ATP11A: variants seen among roughly 807,000 people sequenced by gnomAD.
The protein encoded by ATP11A is phospholipid-transporting ATPase IH.
In ATP11A, 81 loss-of-function variants were observed where a neutral mutation model predicts 154.4. The ratio of observed to expected loss-of-function variants is 0.52; its 90% CI spans 0.44 to 0.63. The LOEUF (loss-of-function observed/expected upper bound fraction) is 0.63. Ranked by LOEUF, ATP11A falls within the 30% of genes least tolerant of loss-of-function variation. The probability of loss-of-function intolerance (pLI) is 0.00; values close to 1 mark genes in which losing one functional copy is unlikely to be tolerated. For synonymous variants in ATP11A, 623 were observed against 585.9 expected (o/e 1.06, Z -0.91); for missense variants, 1,316 against 1,474.3 (o/e 0.89, Z 1.76).
At chr13:112,752,219 A>C (rs2139817283) in intron 1 of ATP11A, among the ~76,000 whole-genome samples, 1 of 152,322 alleles carries the variant, frequency 6.6e-6, no homozygotes, top group Non-Finnish European at 1.5e-5. Context: ...GAGAAGTCAC[A>C]ACAGTGACGG....
chr13:112,749,079 A>G (rs2076627455), intron 1 of ATP11A, among the ~76,000 whole-genome samples: 1 of 152,198 alleles, frequency 6.6e-6, no homozygotes, highest in South Asian at 2.1e-4. Flanking sequence ...CTGGGGCCCC[A>G]GGGCAGGTGG....
intron 21 of ATP11A, 94 bp from the exon 22 acceptor site, chr13:112,858,051 C>T: frequency 2.5e-6 from 4 of 1,575,650 alleles, no homozygotes; most frequent in Admixed American, 3.4e-5. Flanking sequence ...CGGGAAGGCT[C>T]ATGATGATGG....
chr13:112,789,257 G>C (rs940480579), intron 2 of ATP11A, among the ~76,000 whole-genome samples: 1 of 149,454 alleles, frequency 6.7e-6, no homozygotes, highest in African/African-American at 2.5e-5. Context: ...CGGGTGTCCT[G>C]ATGCGTAGAC....
intron 2 of ATP11A, among the ~76,000 whole-genome samples, chr13:112,800,436 A>G (rs1285290444): frequency 6.6e-6 from 1 of 152,196 alleles, no homozygotes; most frequent in Non-Finnish European, 1.5e-5. Flanking sequence ...TATCTACCAA[A>G]ACTCAAACAA....
intron 6 of ATP11A, among the ~76,000 whole-genome samples, chr13:112,817,807 A>G (rs2078684947): frequency 6.6e-6 from 1 of 152,202 alleles, no homozygotes; most frequent in Non-Finnish European, 1.5e-5. Context: ...TGTGTTCTCT[A>G]ATGTCCTTTT....
intron 1 of ATP11A, among the ~76,000 whole-genome samples, chr13:112,722,386 A>G (rs1200532948): frequency 6.6e-6 from 1 of 152,146 alleles, no homozygotes; most frequent in African/African-American, 2.4e-5. Context: ...GTTGGTTGAA[A>G]GACTTATCAG....
intron 1 of ATP11A, among the ~76,000 whole-genome samples, chr13:112,747,752 C>T (rs752331202): frequency 1.4e-4 from 22 of 152,092 alleles, no homozygotes; most frequent in Admixed American, 3.3e-4. Flanking sequence ...AGGAGAATTG[C>T]TTGAACCTGG....
rs1004740431 is a variant in ATP11A at position 112,882,243 on chromosome 13, T to C, written c.*377T>C. The C allele has an allele frequency of 2.8e-6, 2 of 726,586 alleles. No individual in the cohort carries two copies. Among genetic ancestry groups the C allele is most frequent in the Non-Finnish European group, 4.0e-6 (2 of 503,596 alleles). 45.0% of individuals were successfully genotyped at this position (726,586 alleles called of 1,614,324 possible). On this transcript the variant is annotated 3_prime_UTR_variant, in exon 30 of 30. Coordinates refer to ENST00000375645, the MANE Select transcript of ATP11A (RefSeq NM_015205.3). The surrounding 1 kb of genome is among the most constrained non-coding windows in gnomAD (Gnocchi z 5.1). Reference sequence around the variant, plus strand: ...ATTCGGCTCAACGCAGGAGGGACATTCTGCTGGCCCACCCTGCGCGCTGTC... The same window carrying C: ...ATTCGGCTCAACGCAGGAGGGACATCCTGCTGGCCCACCCTGCGCGCTGTC...
chr13:112,726,989 C>T (rs192148632), intron 1 of ATP11A, among the ~76,000 whole-genome samples: 11 of 152,282 alleles, frequency 7.2e-5, no homozygotes, highest in Admixed American at 3.3e-4. Context: ...ATAGCTTATG[C>T]GAATTTCTTA....
chr13:112,814,575 C>T (rs969630463), intron 5 of ATP11A, among the ~76,000 whole-genome samples: 2 of 152,102 alleles, frequency 1.3e-5, no homozygotes, highest in African/African-American at 4.8e-5. Flanking sequence ...TTATTTTGCC[C>T]GTGGCTGTCT....
intron 12 of ATP11A, among the ~76,000 whole-genome samples, chr13:112,828,740 ACCT>A (rs1566540483): frequency 6.6e-6 from 1 of 152,168 alleles, no homozygotes; most frequent in African/African-American, 2.4e-5. Context: ...TTGGAGGCTG[ACCT>A]CCTCGTACAC....
At chr13:112,784,725 G>A (rs1046716876) in intron 1 of ATP11A, among the ~76,000 whole-genome samples, 2 of 152,180 alleles carry the variant, frequency 1.3e-5, no homozygotes, top group South Asian at 2.1e-4. Flanking sequence ...GGGTTTCACC[G>A]TGTTAGCCAG....
intron 19 of ATP11A, among the ~76,000 whole-genome samples, chr13:112,855,205 G>T (rs1190274054): frequency 6.6e-6 from 1 of 152,034 alleles, no homozygotes; most frequent in African/African-American, 2.4e-5. Context: ...TTTTTTTGTT[G>T]TTTTTTGTTT....
chr13:112,863,928 A>G (rs1250431269), intron 25 of ATP11A, among the ~76,000 whole-genome samples: 1 of 94,780 alleles, frequency 1.1e-5, no homozygotes, highest in Non-Finnish European at 2.3e-5. Flanking sequence ...GCAGCTTCCC[A>G]GCGGGGTCCA....
chr13:112,752,459 G>T (rs979958984), intron 1 of ATP11A, among the ~76,000 whole-genome samples: 16 of 152,098 alleles, frequency 1.1e-4, no homozygotes, highest in African/African-American at 3.9e-4. Context: ...TGTGTGGAGC[G>T]GGTACCCCTG....
At chr13:112,751,949 A>G (rs919300465) in intron 1 of ATP11A, among the ~76,000 whole-genome samples, 1 of 152,206 alleles carries the variant, frequency 6.6e-6, no homozygotes, top group African/African-American at 2.4e-5. Flanking sequence ...ATACACAAAT[A>G]TATATGTCAT....
At position 112,754,492 on chromosome 13, in the gene ATP11A, A is replaced by G; in HGVS notation, c.40-30643A>G. On this transcript the variant is annotated intron_variant, in intron 1 of 29. Coordinates refer to ENST00000375645, the MANE Select transcript of ATP11A (RefSeq NM_015205.3). The surrounding 1 kb of genome is among the most constrained non-coding windows in gnomAD (Gnocchi z 5.3). ...AGGAAACTGAGTACTGGGCTAATTC[A>G]CCTGCCAAAGCTGCATGCTTGGAAA... 6.5e-6 allele frequency: 1 copy of G among 153,534 alleles called. No homozygotes were observed. Among genetic ancestry groups the G allele is most frequent in the Non-Finnish European group, 1.5e-5 (1 of 68,916 alleles). 9.5% of individuals were successfully genotyped at this position (153,534 alleles called of 1,614,324 possible).
In ATP11A at chr13:112,730,598, A is replaced by G. The variant is rs915987276; in HGVS notation, c.39+40143A>G. ...CACCGGGTGCCTGCGCAGGTGCGGG[A>G]GGATGGGGCTCCCGTGCGGAGTCTG... On this transcript the variant is annotated intron_variant, in intron 1 of 29. Transcript: ENST00000375645. Among the ~76,000 whole-genome samples the G allele has an allele frequency of 5.9e-5, 9 of 152,346 alleles. 1 individual carries two copies. The South Asian group carries it at 1.9e-3, about 32-fold the overall frequency.
Position 112,785,256 on chromosome 13 carries a change from A to G in ATP11A, c.161A>G (p.Lys54Arg), listed in dbSNP as rs746334645. 3.3e-6 allele frequency: 5 copies of G among 1,512,976 alleles called. No homozygotes were observed. Among genetic ancestry groups the G allele is most frequent in the African/African-American group, 1.4e-5 (1 of 70,212 alleles). The allele number at this position is 1,512,976 out of a possible 1,614,324, so 93.7% of individuals were successfully genotyped here. Reference protein sequence around the residue: ...RYPDNRIVSSKYTFWNFIPKN... With the variant: ...RYPDNRIVSSRYTFWNFIPKN... ...CCAGACAACAGGATCGTCTCGTCCA[A>G]GGTAACTTGGCTTGGGTCTGAGTGT... Residue 54 changes from lysine (K) to arginine (R), a missense_variant and splice_region_variant, in exon 2 of 30, where the codon AAG (lysine) becomes AGG (arginine). Lys to Arg is a conservative substitution (Grantham distance 26). Coordinates refer to ENST00000375645, the MANE Select transcript of ATP11A (RefSeq NM_015205.3). The surrounding 1 kb of genome is among the most constrained non-coding windows in gnomAD (Gnocchi z 4.8).
Sources: gnomAD v4.1 joint callset for allele counts (sites outside exome capture counted in the v4.1 genomes callset) on GRCh38, gnomAD v4.1.1 for gene constraint, Gnocchi (gnomAD v3.1) non-coding constraint, MANE v1.5 for transcripts, NCBI Gene and HGNC (gene_info 2026-07-23, HGNC 2026-07-21) for gene names.